RPS6KC1: variants seen among roughly 807,000 people sequenced by gnomAD.
RPS6KC1 encodes inactive ribosomal protein S6 kinase delta-1.
Under a neutral mutation model 103.8 loss-of-function variants are expected in RPS6KC1, and 54 were observed. The observed-to-expected ratio is 0.52, with a 90% confidence interval of 0.42 to 0.65. The LOEUF is 0.65. RPS6KC1 is among the 30% of genes least tolerant of loss of function. The pLI, the probability that RPS6KC1 is intolerant of heterozygous loss-of-function variation, is 0.00. For missense variants in RPS6KC1, 1,151 were observed against 1,253.8 expected (o/e 0.92, Z 1.24); for synonymous variants, 439 against 438.7 (o/e 1.00, Z -0.01).
chr1:213,340,161 G>A, the RPS6KC1 span, among the ~76,000 whole-genome samples: 14 of 152,012 alleles, frequency 9.2e-5, no homozygotes, highest in Admixed American at 2.0e-4. Context: ...GATTACAGGC[G>A]TGAGCCACCG....
chr1:213,742,623 T>A, the RPS6KC1 span, among the ~76,000 whole-genome samples: 1 of 152,264 alleles, frequency 6.6e-6, no homozygotes, highest in African/African-American at 2.4e-5. Flanking sequence ...CTTGTCATGT[T>A]AACAATGTAT....
the RPS6KC1 span, among the ~76,000 whole-genome samples, chr1:213,529,127 C>A: frequency 6.6e-6 from 1 of 151,290 alleles, no homozygotes; most frequent in Admixed American, 6.6e-5. Context: ...TCAATTAACA[C>A]AAAGAGTATA....
intron 8 of RPS6KC1, among the ~76,000 whole-genome samples, chr1:213,207,932 C>T (rs1026746397): frequency 2.0e-4 from 30 of 152,164 alleles, no homozygotes; most frequent in Admixed American, 1.6e-3. Context: ...CTCAGCCTCC[C>T]AAAGTGCTGG....
At chr1:213,178,090 G>A (rs1389911490) in intron 8 of RPS6KC1, among the ~76,000 whole-genome samples, 1 of 151,474 alleles carries the variant, frequency 6.6e-6, no homozygotes, top group African/African-American at 2.4e-5. Context: ...GAGGCTGAGG[G>A]GAAAGGATCC....
the RPS6KC1 span, among the ~76,000 whole-genome samples, chr1:213,308,917 G>A: frequency 1.3e-5 from 2 of 152,236 alleles, no homozygotes; most frequent in Admixed American, 1.3e-4. Flanking sequence ...TCATAAAGTT[G>A]TCAGTAGTGA....
At chr1:213,134,341 T>A (rs2086012536) in intron 6 of RPS6KC1, among the ~76,000 whole-genome samples, 2 of 152,002 alleles carry the variant, frequency 1.3e-5, no homozygotes, top group Admixed American at 6.6e-5. Context: ...TTCTTCCTTC[T>A]CCTCTCCTTC....
At chr1:213,260,390 A>C (rs1269103929) in intron 12 of RPS6KC1, among the ~76,000 whole-genome samples, 3 of 152,158 alleles carry the variant, frequency 2.0e-5, no homozygotes, top group Non-Finnish European at 4.4e-5. Context: ...AAGGTTGCTG[A>C]ATGGAGTAAT....
At chr1:213,830,449 G>T in the RPS6KC1 span, among the ~76,000 whole-genome samples, 1 of 152,128 alleles carries the variant, frequency 6.6e-6, no homozygotes, top group Non-Finnish European at 1.5e-5. Flanking sequence ...CTCACGAGCA[G>T]GTAGTCTGGC....
At chr1:213,499,000 G>A in the RPS6KC1 span, among the ~76,000 whole-genome samples, 2 of 148,030 alleles carry the variant, frequency 1.4e-5, no homozygotes, top group African/African-American at 2.5e-5. Context: ...GGCCGGTCTC[G>A]AACTCCTGAC....
chr1:213,190,994 TC>T (rs1471005464), intron 8 of RPS6KC1, among the ~76,000 whole-genome samples: 1 of 152,202 alleles, frequency 6.6e-6, no homozygotes, highest in Non-Finnish European at 1.5e-5. Context: ...TCTATTCTGT[TC>T]CATGATCTTT....
intron 1 of RPS6KC1, among the ~76,000 whole-genome samples, chr1:213,057,752 C>CT (rs869259657): frequency 0.03 from 2,214 of 73,666 alleles, 40 homozygotes; most frequent in African/African-American, 0.07. Context: ...TCTGAAGTAT[C>CT]TTTTTTTTTT....
chr1:213,195,939 A>G (rs1189211847), intron 8 of RPS6KC1, among the ~76,000 whole-genome samples: 3 of 152,040 alleles, frequency 2.0e-5, no homozygotes, highest in Non-Finnish European at 4.4e-5. Flanking sequence ...GCTGTTATAA[A>G]TGTGTGTGCA....
intron 5 of RPS6KC1, among the ~76,000 whole-genome samples, chr1:213,118,527 G>A (rs2083969181): frequency 6.6e-6 from 1 of 152,030 alleles, no homozygotes; most frequent in East Asian, 1.9e-4. Context: ...GTTTTTGTGA[G>A]GGTATGTACT....
the RPS6KC1 span, among the ~76,000 whole-genome samples, chr1:213,710,193 G>A: frequency 3.3e-5 from 5 of 152,168 alleles, no homozygotes; most frequent in South Asian, 2.1e-4. Context: ...ATGAATCTGG[G>A]TGCTCCTGTA....
the RPS6KC1 span, among the ~76,000 whole-genome samples, chr1:213,518,526 C>A: frequency 6.6e-6 from 1 of 152,186 alleles, no homozygotes; most frequent in East Asian, 1.9e-4. Context: ...CCTGCTGACA[C>A]CTTGATTTCA....
chr1:213,269,424 CTG>C (rs1410573477), intron 14 of RPS6KC1, among the ~76,000 whole-genome samples: 3 of 152,214 alleles, frequency 2.0e-5, no homozygotes, highest in African/African-American at 7.2e-5. Context: ...CTTGAACAAA[CTG>C]TAACTGACAT....
At chr1:213,475,144 C>T in the RPS6KC1 span, among the ~76,000 whole-genome samples, 18 of 152,290 alleles carry the variant, frequency 1.2e-4, no homozygotes, top group South Asian at 2.9e-3. Flanking sequence ...TGGGGAAGCA[C>T]GGGGCCGTGC....
At chr1:213,151,355 C>T (rs1308875423) in intron 6 of RPS6KC1, among the ~76,000 whole-genome samples, 2 of 133,692 alleles carry the variant, frequency 1.5e-5, no homozygotes, top group Non-Finnish European at 1.6e-5. Flanking sequence ...GCTAACCCCC[C>T]CACCTCCCTC....
the RPS6KC1 span, among the ~76,000 whole-genome samples, chr1:213,632,810 G>C: frequency 6.6e-6 from 1 of 152,190 alleles, no homozygotes; most frequent in Admixed American, 6.5e-5. Context: ...AAAAAGACTA[G>C]ATGAATGGCT....
Sources: allele counts gnomAD v4.1 joint callset (sites outside exome capture counted in the v4.1 genomes callset), GRCh38; gene constraint gnomAD v4.1.1; transcripts MANE v1.5; gene names NCBI Gene and HGNC (gene_info 2026-07-23, HGNC 2026-07-21).